ELL: variants seen among roughly 807,000 people sequenced by gnomAD.
ELL encodes the protein elongation factor for RNA polymerase II.
In ELL, 18 loss-of-function variants were observed where a neutral mutation model predicts 64.0. The ratio of observed to expected loss-of-function variants is 0.28; its 90% CI spans 0.19 to 0.42. The LOEUF is 0.42. Ranked by LOEUF, ELL falls within the 10% of genes least tolerant of loss-of-function variation. The pLI is 1.00. For synonymous variants in ELL, 399 were observed against 376.2 expected (o/e 1.06, Z -0.70); for missense variants, 797 against 870.4 (o/e 0.92, Z 1.06).
At chr19:18,507,748 C>T (rs1975914723) in intron 1 of ELL, among the ~76,000 whole-genome samples, 1 of 152,220 alleles carries the variant, frequency 6.6e-6, no homozygotes, top group Non-Finnish European at 1.5e-5. Context: ...TAGGAGATTG[C>T]ACTGTGTAGG....
intron 1 of ELL, among the ~76,000 whole-genome samples, chr19:18,502,214 C>T (rs1179692413): frequency 6.6e-6 from 1 of 152,178 alleles, no homozygotes; most frequent in Non-Finnish European, 1.5e-5. Flanking sequence ...CACCCCCAGT[C>T]CAGCACCCAG....
chr19:18,461,167 C>T (rs921795942), intron 5 of ELL, among the ~76,000 whole-genome samples: 8 of 152,168 alleles, frequency 5.3e-5, no homozygotes, highest in African/African-American at 4.8e-5. Context: ...AGGTGGAGGG[C>T]GGCAGGCAGC....
At chr19:18,486,399 TG>T (rs1975418217) in intron 1 of ELL, among the ~76,000 whole-genome samples, 1 of 152,188 alleles carries the variant, frequency 6.6e-6, no homozygotes, top group Admixed American at 6.5e-5. Flanking sequence ...GGTGCGGTCC[TG>T]GGAGTGTCCA....
intron 1 of ELL, among the ~76,000 whole-genome samples, chr19:18,493,503 G>C (rs895529246): frequency 6.6e-6 from 1 of 152,242 alleles, no homozygotes; most frequent in Admixed American, 6.5e-5. Flanking sequence ...CCCTGAACTG[G>C]GAGTGAGCTG....
intron 1 of ELL, among the ~76,000 whole-genome samples, chr19:18,515,705 C>T (rs1347849410): frequency 6.6e-6 from 1 of 152,208 alleles, no homozygotes; most frequent in African/African-American, 2.4e-5. Context: ...CACCAAGGTT[C>T]GGGCCTCTTG....
intron 2 of ELL, among the ~76,000 whole-genome samples, chr19:18,469,257 G>C (rs562386630): frequency 6.6e-6 from 1 of 152,322 alleles, no homozygotes; most frequent in East Asian, 1.9e-4. Flanking sequence ...CCCGGAGCCA[G>C]ACACCGAGGT....
In ELL at chr19:18,461,747, C is replaced by G. The variant is rs913370544; in HGVS notation, c.575G>C (p.Gly192Ala). The change falls in exon 5 of 12, where the codon GGT becomes GCT. Residue 192 changes from glycine to alanine, a missense_variant. By Grantham distance (60) the Gly-to-Ala change is moderately conservative (BLOSUM62 0). Transcript: ENST00000262809. ...INLASAIRKS[G>A]ASAVSGGSGV... ...GCTGCCCCCACTCACGGCACTGGCACCACTCTTCCTGATGGCACTCGCCAA... is the reference window on the plus strand; with the variant it reads ...GCTGCCCCCACTCACGGCACTGGCAGCACTCTTCCTGATGGCACTCGCCAA... The G allele has an allele frequency of 2.5e-6, 4 of 1,614,030 alleles. No individual in the cohort carries two copies. In the South Asian group the frequency reaches 4.4e-5, roughly 18 times the overall value.
intron 1 of ELL, among the ~76,000 whole-genome samples, chr19:18,505,118 T>A (rs1205761690): frequency 6.6e-6 from 1 of 152,156 alleles, no homozygotes; most frequent in Non-Finnish European, 1.5e-5. Flanking sequence ...AACTTCTGTG[T>A]GCCAGAGGGC....
intron 6 of ELL, among the ~76,000 whole-genome samples, chr19:18,454,993 T>C (rs1974627258): frequency 6.9e-6 from 1 of 145,058 alleles, no homozygotes; most frequent in South Asian, 2.2e-4. Context: ...TACAAAAAAT[T>C]AGCCGGGCAT....
In ELL at chr19:18,446,688, G is replaced by A. The variant is rs182886393; in HGVS notation, c.1532+60C>T. On this transcript the variant is annotated intron_variant, in intron 9 of 11. Coordinates refer to ENST00000262809, the MANE Select transcript of ELL (RefSeq NM_006532.4). ...ACCTCTGATAACCTGCAGTGCTGGG[G>A]GAGGGGGTCTGAACCCAGAAAAGGG... The A allele has an allele frequency of 6.3e-6, 10 of 1,597,362 alleles. No individual in the cohort carries two copies. The Admixed American group carries it at 1.7e-4, about 27-fold the overall frequency.
intron 1 of ELL, among the ~76,000 whole-genome samples, chr19:18,491,928 C>T (rs1975541972): frequency 6.6e-6 from 1 of 152,120 alleles, no homozygotes; most frequent in Non-Finnish European, 1.5e-5. Flanking sequence ...TTATATTTAC[C>T]TACCTACCTC....
intron 1 of ELL, among the ~76,000 whole-genome samples, chr19:18,495,061 G>T (rs1009384481): frequency 6.6e-6 from 1 of 152,208 alleles, no homozygotes; most frequent in Non-Finnish European, 1.5e-5. Context: ...ATCAGCCAAG[G>T]AGACAGATGT....
chr19:18,471,191 A>G (rs1017721113), intron 2 of ELL, among the ~76,000 whole-genome samples: 2 of 150,972 alleles, frequency 1.3e-5, no homozygotes, highest in African/African-American at 4.9e-5. Context: ...TGGACAACAT[A>G]ATGAGACTCC....
chr19:18,474,735 C>T (rs1211573259), intron 1 of ELL, among the ~76,000 whole-genome samples: 5 of 152,234 alleles, frequency 3.3e-5, no homozygotes, highest in African/African-American at 9.6e-5. Flanking sequence ...CCCCAAAACA[C>T]GACTCAACCA....
intron 1 of ELL, among the ~76,000 whole-genome samples, chr19:18,498,641 G>A (rs1361472374): frequency 3.3e-5 from 5 of 152,152 alleles, no homozygotes; most frequent in East Asian, 1.9e-4. Context: ...TGCTGCCCCC[G>A]GATGGGTAGA....
At position 18,450,716 on chromosome 19, in the gene ELL, C is replaced by G; in HGVS notation, c.1226G>C (p.Arg409Pro). Residue 409 changes from arginine to proline, a missense_variant, in exon 8 of 12, where the codon CGA (arginine) becomes CCA (proline). By Grantham distance (103) the Arg-to-Pro change is moderately radical (BLOSUM62 -2). Coordinates refer to ENST00000262809, the MANE Select transcript of ELL (RefSeq NM_006532.4). ...AGCCGCCTCTCCGTGCTCACAGTCT[C>G]GGCCGCTGTGGCCCAGGTCATTGCT... ...DVSNDLGHSG[R>P]DCEHGEAAAP... 6.3e-7 allele frequency: 1 copy of G among 1,585,566 alleles called. No homozygotes were observed. Among genetic ancestry groups the G allele is most frequent in the Admixed American group, 1.8e-5 (1 of 54,512 alleles).
chr19:18,480,990 G>C (rs1439858822), intron 1 of ELL, among the ~76,000 whole-genome samples: 2 of 152,104 alleles, frequency 1.3e-5, no homozygotes, highest in Non-Finnish European at 2.9e-5. Context: ...TATGGAAAAG[G>C]GTTTTTCAGA....
At chr19:18,508,439 CAA>C (rs1056136482) in intron 1 of ELL, among the ~76,000 whole-genome samples, 2 of 152,232 alleles carry the variant, frequency 1.3e-5, no homozygotes, top group African/African-American at 4.8e-5. Context: ...TGTGTGATCT[CAA>C]GTTAGCCATT....
Position 18,481,319 on chromosome 19 carries a change from C to T in ELL, c.136-8437G>A, listed in dbSNP as rs963516060. Among the ~76,000 whole-genome samples the T allele has an allele frequency of 4.6e-5, 7 of 152,184 alleles. 1 individual carries two copies. The highest frequency in any genetic ancestry group is 3.9e-4 in the Admixed American group (6 of 15,282). ...AACTGGTTCTCTCACGGACTGGGGG[C>T]CAGAAGTCTGAAATCCAAGTGTTAG... On this transcript the variant is annotated intron_variant, in intron 1 of 11. Transcript: ENST00000262809.
Sources: gnomAD v4.1 joint callset for allele counts (sites outside exome capture counted in the v4.1 genomes callset) on GRCh38, gnomAD v4.1.1 for gene constraint, MANE v1.5 for transcripts, NCBI Gene and HGNC (gene_info 2026-07-23, HGNC 2026-07-21) for gene names.